The following DNAH5 variants were observed in gnomAD, a reference collection of about 807,000 sequenced individuals.
DNAH5 encodes the protein axonemal beta dynein heavy chain 5.
In DNAH5, 372 loss-of-function variants were observed where a neutral mutation model predicts 518.2. The observed-to-expected ratio is 0.72, with a 90% confidence interval of 0.66 to 0.78. The LOEUF is 0.78. DNAH5 is among the 30% of genes least tolerant of loss of function. The probability of loss-of-function intolerance (pLI) is 0.00; values close to 1 mark genes in which losing one functional copy is unlikely to be tolerated. For synonymous variants in DNAH5, 2,039 were observed against 2,025.9 expected (o/e 1.01, Z -0.17); for missense variants, 5,523 against 5,687.0 (o/e 0.97, Z 0.93).
chr5:13,865,606 C>T, intron 27 of DNAH5, 62 bp downstream of exon 27: 1 of 1,019,086 alleles, frequency 9.8e-7, no homozygotes, highest in Non-Finnish European at 1.6e-6. Context: ...ACTTGGCTGC[C>T]TATCAAAGAG....
At chr5:13,917,852 G>A (rs1776809462) in intron 7 of DNAH5, among the ~76,000 whole-genome samples, 1 of 152,180 alleles carries the variant, frequency 6.6e-6, no homozygotes, top group Non-Finnish European at 1.5e-5. Flanking sequence ...TTTCTTTGAG[G>A]AATAATAGAA....
chr5:13,762,650 T>C (rs1751941311), intron 60 of DNAH5, 72 bp downstream of exon 60: 1 of 1,400,912 alleles, frequency 7.1e-7, no homozygotes, highest in East Asian at 2.3e-5. Context: ...CATGTGCTCC[T>C]GTAAAGATAA....
At chr5:13,901,996 CAAT>C in intron 13 of DNAH5, 54 bp downstream of exon 13, 1 of 1,215,574 alleles carries the variant, frequency 8.2e-7, no homozygotes, top group South Asian at 1.3e-5. Flanking sequence ...GGAATAACAA[CAAT>C]AAAAGCTAAA....
At chr5:13,945,982 C>T (rs1258558210), upstream of DNAH5, among the ~76,000 whole-genome samples, 1 of 152,134 alleles carries the variant, frequency 6.6e-6, no homozygotes, top group Non-Finnish European at 1.5e-5. Context: ...GTGTTGAAGA[C>T]AGTATCTAGA....
At chr5:13,848,175 A>G (rs1766307262) in intron 31 of DNAH5, among the ~76,000 whole-genome samples, 1 of 152,194 alleles carries the variant, frequency 6.6e-6, no homozygotes, top group African/African-American at 2.4e-5. Context: ...GACTTGATCT[A>G]ATAATTTTAT....
intron 52 of DNAH5, among the ~76,000 whole-genome samples, chr5:13,781,689 C>T (rs750420184): frequency 9.2e-5 from 14 of 152,072 alleles, no homozygotes; most frequent in Non-Finnish European, 2.9e-5. Context: ...CGCCTCCCAC[C>T]GTGATTCTGA....
chr5:13,737,562 T>G, intron 65 of DNAH5, 67 bp from the exon 66 acceptor site: 1 of 1,518,772 alleles, frequency 6.6e-7, no homozygotes, highest in Non-Finnish European at 9.1e-7. Context: ...CCTTAAGACG[T>G]TAACCTACAT....
chr5:13,884,015 T>C (rs1772030440), intron 19 of DNAH5, among the ~76,000 whole-genome samples: 1 of 152,210 alleles, frequency 6.6e-6, no homozygotes, highest in Non-Finnish European at 1.5e-5. Flanking sequence ...GTTTTCTTTT[T>C]ACCATTTTTA....
At position 13,765,987 on chromosome 5, in the gene DNAH5, G is replaced by T. The variant is rs780195345; in HGVS notation, c.10090C>A (p.Gln3364Lys). Residue 3364 changes from glutamine to lysine, a missense_variant, in exon 59 of 79, where the codon CAG becomes AAG. This residue lies in a region of DNAH5 where 5,121 missense variants were observed against 5,223.3 expected (regional missense o/e 0.98). Coordinates refer to ENST00000265104, the MANE Select transcript of DNAH5 (RefSeq NM_001369.3). ...LKLMTAGNFL[Q>K]NLQQFPKDTI... is the part of the protein sequence containing the mutation. The stretch of plus-strand genomic sequence containing the variant: ...ACTGAACTACCAACCTGTAAGTTCT[G>T]TAAAAAGTTCCCTGCAGTCATCAAT... 6.2e-7 allele frequency: 1 copy of T among 1,614,180 alleles called. No individual in the cohort carries two copies. The highest frequency in any genetic ancestry group is 2.2e-5 in the East Asian group (1 of 44,890).
intron 1 of DNAH5, among the ~76,000 whole-genome samples, chr5:13,955,136 G>A (rs537984084): frequency 3.3e-5 from 5 of 152,098 alleles, no homozygotes; most frequent in South Asian, 2.1e-4. Context: ...GTTTAGCACC[G>A]TCCCCCAACT....
intron 17 of DNAH5, 85 bp downstream of exon 17, chr5:13,890,891 C>A: frequency 6.7e-7 from 1 of 1,502,270 alleles, no homozygotes; most frequent in South Asian, 1.2e-5. Flanking sequence ...AGAAAAAAAT[C>A]TAACTTATAA....
At chr5:13,748,199 T>C (rs1749678854) in intron 65 of DNAH5, among the ~76,000 whole-genome samples, 1 of 152,046 alleles carries the variant, frequency 6.6e-6, no homozygotes, top group African/African-American at 2.4e-5. Flanking sequence ...AGATGTGTGG[T>C]ATTATTTCTG....
intron 55 of DNAH5, among the ~76,000 whole-genome samples, chr5:13,775,485 A>C (rs1458433763): frequency 6.6e-6 from 1 of 152,074 alleles, no homozygotes; most frequent in Non-Finnish European, 1.5e-5. Context: ...TAATTAATAG[A>C]TATTTAGATA....
At chr5:13,917,027 A>T in intron 8 of DNAH5, 116 bp downstream of exon 8, 1 of 790,910 alleles carries the variant, frequency 1.3e-6, no homozygotes, top group Non-Finnish European at 2.1e-6. Context: ...TTGAAAATAA[A>T]GTTTCTAAGA....
intron 1 of DNAH5, among the ~76,000 whole-genome samples, chr5:13,975,128 A>G (rs1382619466): frequency 6.6e-6 from 1 of 152,190 alleles, no homozygotes; most frequent in African/African-American, 2.4e-5. Flanking sequence ...GGCAATTTAC[A>G]AAAGAAAGAG....
intron 1 of DNAH5, among the ~76,000 whole-genome samples, chr5:13,996,307 C>T (rs1581139517): frequency 1.3e-5 from 2 of 152,122 alleles, no homozygotes; most frequent in South Asian, 2.1e-4. Flanking sequence ...AGCATTCTCC[C>T]GCCACCCCCG....
chr5:14,004,342 A>G (rs1303594431), intron 1 of DNAH5, among the ~76,000 whole-genome samples: 2 of 152,184 alleles, frequency 1.3e-5, no homozygotes, highest in African/African-American at 4.8e-5. Flanking sequence ...TAGCTAATTA[A>G]AGGCTTTTGC....
intron 1 of DNAH5, among the ~76,000 whole-genome samples, chr5:14,009,058 A>T (rs1412748876): frequency 6.6e-6 from 1 of 152,118 alleles, no homozygotes; most frequent in East Asian, 1.9e-4. Flanking sequence ...TAGGTAACTC[A>T]CTCTTGAGTT....
intron 1 of DNAH5, among the ~76,000 whole-genome samples, chr5:13,943,794 A>G (rs1247366640): frequency 6.6e-6 from 1 of 152,218 alleles, no homozygotes; most frequent in African/African-American, 2.4e-5. Flanking sequence ...TGAGTCCTAG[A>G]GAAACCTCCA....
Sources: gnomAD v4.1 joint callset for allele counts (sites outside exome capture counted in the v4.1 genomes callset) on GRCh38, gnomAD v4.1.1 for gene constraint, gnomAD v4.1.1 regional missense constraint, MANE v1.5 for transcripts, NCBI Gene and HGNC (gene_info 2026-07-23, HGNC 2026-07-21) for gene names.